The following MIPOL1 variants were observed in gnomAD, a reference collection of about 807,000 sequenced individuals.
MIPOL1 encodes mirror-image polydactyly 1.
MIPOL1 carries 57 observed loss-of-function variants against 60.9 expected under a neutral mutation model. That is an observed-to-expected ratio of 0.94 (90% CI 0.76 to 1.17). The LOEUF is 1.17. MIPOL1 is among the 50% of genes most tolerant of loss of function. The probability of loss-of-function intolerance (pLI) is 0.00; values close to 1 mark genes in which losing one functional copy is unlikely to be tolerated. For synonymous variants in MIPOL1, 179 were observed against 168.8 expected (o/e 1.06, Z -0.47); for missense variants, 551 against 511.6 (o/e 1.08, Z -0.74).
At chr14:37,268,830 G>GA (rs1288797038) in intron 5 of MIPOL1, 37 bp downstream of exon 5, 1 of 1,421,772 alleles carries the variant, frequency 7.0e-7, no homozygotes, top group East Asian at 2.6e-5. Context: ...TATAGTATGG[G>GA]TTTAGCTGTT....
chr14:37,357,242 A>C (rs2153479652), intron 9 of MIPOL1, among the ~76,000 whole-genome samples: 1 of 152,310 alleles, frequency 6.6e-6, no homozygotes, highest in Non-Finnish European at 1.5e-5. Context: ...GGCAGTTTGC[A>C]AGTATTTTCT....
At chr14:37,536,320 A>G (rs1213892742) in intron 12 of MIPOL1, among the ~76,000 whole-genome samples, 1 of 152,234 alleles carries the variant, frequency 6.6e-6, no homozygotes, top group Admixed American at 6.5e-5. Context: ...ATATGCAGAC[A>G]GAGATGATAG....
At chr14:37,440,195 TC>T (rs1408098175) in intron 11 of MIPOL1, among the ~76,000 whole-genome samples, 7 of 152,208 alleles carry the variant, frequency 4.6e-5, no homozygotes, top group Admixed American at 3.3e-4. Context: ...TGTTAAAACT[TC>T]CAATTGTTTC....
intron 11 of MIPOL1, among the ~76,000 whole-genome samples, chr14:37,488,555 A>G (rs1169438431): frequency 6.6e-6 from 1 of 151,912 alleles, no homozygotes. Context: ...TGTTGCATTG[A>G]TCCCTTTACC....
chr14:37,307,430 A>G (rs2086880314), intron 7 of MIPOL1, among the ~76,000 whole-genome samples: 1 of 152,128 alleles, frequency 6.6e-6, no homozygotes, highest in East Asian at 1.9e-4. Context: ...CTCTTAAAAG[A>G]CAAAATGCAT....
intron 1 of MIPOL1, among the ~76,000 whole-genome samples, chr14:37,231,234 C>T (rs889953761): frequency 2.6e-5 from 4 of 152,086 alleles, no homozygotes; most frequent in African/African-American, 9.7e-5. Context: ...ACTACAGGCA[C>T]TCACCACCAT....
intron 9 of MIPOL1, among the ~76,000 whole-genome samples, chr14:37,356,643 G>C (rs879678052): frequency 2.0e-5 from 3 of 152,214 alleles, no homozygotes; most frequent in African/African-American, 7.2e-5. Flanking sequence ...GAAAAGCGCA[G>C]TATTCGGGTG....
intron 11 of MIPOL1, among the ~76,000 whole-genome samples, chr14:37,465,475 T>G (rs1156459779): frequency 6.6e-6 from 1 of 152,188 alleles, no homozygotes; most frequent in East Asian, 1.9e-4. Context: ...TTCCTAGTGT[T>G]GAGAAATGCA....
intron 3 of MIPOL1, among the ~76,000 whole-genome samples, chr14:37,263,665 A>G (rs182210837): frequency 5.3e-4 from 81 of 152,338 alleles, no homozygotes; most frequent in African/African-American, 1.8e-3. Context: ...CTTTTGAATG[A>G]TGAAGAAGAG....
rs146938040 is a variant in MIPOL1, at chr14:37,388,052, G to A, written c.936+18428G>A. ...TTATTTCTTGTCCAACTATAAGTGC[G>A]AACCAGAAAAAAATGTTATCAGTGA... On this transcript the variant is annotated intron_variant, in intron 10 of 12. Transcript: ENST00000684589. Among the ~76,000 whole-genome samples, 468 of 151,414 alleles carry A rather than the reference G, an allele frequency of 3.1e-3. 3 individuals are homozygous for A. Among genetic ancestry groups the A allele is most frequent in the African/African-American group, 9.6e-3 (397 of 41,390 alleles).
intron 7 of MIPOL1, among the ~76,000 whole-genome samples, chr14:37,299,473 T>G (rs2086164167): frequency 4.1e-4 from 1 of 2,424 alleles, no homozygotes; most frequent in Admixed American, 0.011. Flanking sequence ...AAAATTACTC[T>G]ACAACATCCT....
intron 6 of MIPOL1, among the ~76,000 whole-genome samples, chr14:37,271,853 G>C (rs930634790): frequency 2.0e-5 from 3 of 151,468 alleles, no homozygotes; most frequent in Non-Finnish European, 4.4e-5. Flanking sequence ...ATAAGATTAG[G>C]GTTTTCATAA....
At chr14:37,271,543 C>T (rs980082017) in intron 6 of MIPOL1, among the ~76,000 whole-genome samples, 7 of 151,822 alleles carry the variant, frequency 4.6e-5, no homozygotes, top group Middle Eastern at 3.4e-3. Flanking sequence ...TAAATAAATA[C>T]ACCAGCTGAA....
chr14:37,218,933 A>G (rs1594531011), intron 1 of MIPOL1, among the ~76,000 whole-genome samples: 1 of 139,152 alleles, frequency 7.2e-6, no homozygotes, highest in Non-Finnish European at 1.5e-5. Context: ...TCAAAAAAAA[A>G]AAAAAAAAAG....
rs1042111472 is a variant in MIPOL1, at chr14:37,326,936, G to A, written c.828+18417G>A. On this transcript the variant is annotated intron_variant, in intron 9 of 12. Coordinates refer to ENST00000684589, the MANE Select transcript of MIPOL1 (RefSeq NM_001388067.1). ...GATAATCTTGGTAATTAATATAAAG[G>A]ACTAATTCTAAGGAAGAGCAGAAAA... Among the ~76,000 whole-genome samples, 20 of 152,090 alleles carry A rather than the reference G, an allele frequency of 1.3e-4. No homozygotes were observed. The South Asian group carries it at 3.3e-3, about 25-fold the overall frequency.
chr14:37,278,250 C>T (rs2083825204), intron 6 of MIPOL1: 1 of 151,490 alleles, frequency 6.6e-6, no homozygotes, highest in Admixed American at 6.6e-5. Flanking sequence ...CATCTACCAT[C>T]TATTTTAAAA....
intron 6 of MIPOL1, among the ~76,000 whole-genome samples, chr14:37,279,283 T>A (rs1345403444): frequency 2.7e-5 from 4 of 150,060 alleles, no homozygotes; most frequent in Non-Finnish European, 5.9e-5. Context: ...AACAGTAGAT[T>A]TTACATTTAA....
intron 9 of MIPOL1, among the ~76,000 whole-genome samples, chr14:37,354,730 C>G (rs1185093202): frequency 1.8e-5 from 1 of 56,904 alleles, no homozygotes; most frequent in Non-Finnish European, 3.4e-5. Context: ...GGATTGCAAC[C>G]CCTGCCTTTT....
intron 8 of MIPOL1, 108 bp downstream of exon 8, chr14:37,308,197 C>A: frequency 8.1e-7 from 1 of 1,241,648 alleles, no homozygotes; most frequent in Non-Finnish European, 1.1e-6. Context: ...GAAGAATTGA[C>A]ACACTAATAA....
Sources: gnomAD v4.1 joint callset for allele counts (sites outside exome capture counted in the v4.1 genomes callset) on GRCh38, gnomAD v4.1.1 for gene constraint, MANE v1.5 for transcripts, NCBI Gene and HGNC (gene_info 2026-07-23, HGNC 2026-07-21) for gene names.